Variants in BEND5 observed in about 807,000 individuals in gnomAD.
BEND5 encodes BEN domain containing 5.
In BEND5, 22 loss-of-function variants were observed where a neutral mutation model predicts 43.9. That is an observed-to-expected ratio of 0.50 (90% confidence interval 0.36 to 0.72). The LOEUF (loss-of-function observed/expected upper bound fraction) is 0.72. BEND5 is among the 30% of genes least tolerant of loss of function. BEND5 has a pLI of 0.00. For synonymous variants in BEND5, 228 were observed against 225.9 expected (o/e 1.01, Z -0.08); for missense variants, 428 against 550.6 (o/e 0.78, Z 2.23).
At chr1:48,762,239 A>T (rs1218882744) in intron 1 of BEND5, among the ~76,000 whole-genome samples, 1 of 152,236 alleles carries the variant, frequency 6.6e-6, no homozygotes. Context: ...TACTGAATGT[A>T]AAGTGCTACA....
chr1:48,771,079 A>C (rs963486497), intron 1 of BEND5, among the ~76,000 whole-genome samples: 1 of 152,216 alleles, frequency 6.6e-6, no homozygotes, highest in Admixed American at 6.5e-5. Context: ...TATTTATAAC[A>C]TATTTGGTAG....
intron 3 of BEND5, among the ~76,000 whole-genome samples, chr1:48,744,799 A>G (rs1426516826): frequency 6.6e-6 from 1 of 151,956 alleles, no homozygotes; most frequent in East Asian, 1.9e-4. Context: ...CCTCCTCTCT[A>G]CCGCTAGGGT....
rs1649141968 is a variant in BEND5, at chr1:48,736,875, T to G, written c.895-423A>C. Among the ~76,000 whole-genome samples the G allele has an allele frequency of 6.6e-6, 1 of 152,238 alleles. No homozygotes were observed. Among genetic ancestry groups the G allele is most frequent in the Non-Finnish European group, 1.5e-5 (1 of 68,034 alleles). The stretch of plus-strand genomic sequence containing the variant: ...ACCCATGCTTAACTTCTTTCTGTGT[T>G]ACACTATGGAAAGACCCACCTTCCT... On this transcript the variant is annotated intron_variant, in intron 4 of 5. Transcript: ENST00000371833. The surrounding 1 kb of genome is among the most constrained non-coding windows in gnomAD (Gnocchi z 4.0).
In BEND5 at chr1:48,736,964, C is replaced by T. The variant is rs1474768375; in HGVS notation, c.895-512G>A. On this transcript the variant is annotated intron_variant, in intron 4 of 5. Coordinates refer to ENST00000371833, the MANE Select transcript of BEND5 (RefSeq NM_024603.4). The surrounding 1 kb of genome is among the most constrained non-coding windows in gnomAD (Gnocchi z 4.0). ...GGTGGTTCTCAACCTTGGCTGCACA[C>T]AGGGGTCACCTAGGGAGCTGTAAAA... Among the ~76,000 whole-genome samples the T allele has an allele frequency of 1.3e-5, 2 of 152,106 alleles. No individual in the cohort carries two copies. Among genetic ancestry groups the T allele is most frequent in the Non-Finnish European group, 2.9e-5 (2 of 68,016 alleles).
chr1:48,727,657 T>G lies in BEND5; in HGVS notation c.*229A>C, dbSNP rs1647384920. 2 of 322,602 alleles carry G rather than the reference T, an allele frequency of 6.2e-6. No homozygotes were observed. Among genetic ancestry groups the G allele is most frequent in the Non-Finnish European group, 1.1e-5 (2 of 177,880 alleles). The allele number at this position is 322,602 out of a possible 1,614,324, so 20.0% of individuals were successfully genotyped here. A position where few individuals can be genotyped will look rare whatever the true frequency, so the allele number is the denominator to read the frequency against. ...ACCTTATCCCCCTCCAAGAAGAGTG[T>G]TTTCCCCATTCCCAGAAGGACACCA... is the stretch of plus-strand genomic sequence containing the variant. On this transcript the variant is annotated 3_prime_UTR_variant, in exon 6 of 6. Coordinates refer to ENST00000371833, the MANE Select transcript of BEND5 (RefSeq NM_024603.4).
intron 1 of BEND5, among the ~76,000 whole-genome samples, chr1:48,769,913 C>A (rs907048187): frequency 1.3e-5 from 2 of 152,210 alleles, no homozygotes; most frequent in East Asian, 3.8e-4. Flanking sequence ...AAAGCCTGTC[C>A]TCTTTCAGCT....
At chr1:48,761,261 C>A in intron 2 of BEND5, 76 bp downstream of exon 2, 1 of 1,424,516 alleles carries the variant, frequency 7.0e-7, no homozygotes, top group East Asian at 2.5e-5. Context: ...GAGAGGAAGC[C>A]AGACTGAAAC....
At chr1:48,735,959 G>T (rs903420782) in intron 5 of BEND5, among the ~76,000 whole-genome samples, 1 of 152,058 alleles carries the variant, frequency 6.6e-6, no homozygotes, top group Non-Finnish European at 1.5e-5. Flanking sequence ...CCAGCTAAGG[G>T]TATCCTCCCC....
At chr1:48,741,456 T>A (rs902332892) in intron 4 of BEND5, among the ~76,000 whole-genome samples, 1 of 152,182 alleles carries the variant, frequency 6.6e-6, no homozygotes, top group East Asian at 1.9e-4. Flanking sequence ...AAAGCTGACG[T>A]TTCAAGCCTG....
chr1:48,739,257 G>A (rs6674449), intron 4 of BEND5, among the ~76,000 whole-genome samples: 89,897 of 152,098 alleles, frequency 0.59, 29,807 homozygotes, highest in Non-Finnish European at 0.77. Context: ...CTATAATCAC[G>A]ACAGATTAAG....
intron 3 of BEND5, among the ~76,000 whole-genome samples, chr1:48,746,447 A>G (rs1240492375): frequency 1.3e-5 from 2 of 152,312 alleles, no homozygotes; most frequent in Admixed American, 1.3e-4. Context: ...GGTCCCCTCA[A>G]GGCTCACGAA....
At chr1:48,755,551 C>T (rs1010262716) in intron 3 of BEND5, among the ~76,000 whole-genome samples, 3 of 152,218 alleles carry the variant, frequency 2.0e-5, no homozygotes, top group African/African-American at 7.2e-5. Flanking sequence ...GGCCCTACAT[C>T]AACCCTAACC....
At chr1:48,730,196 C>T (rs1346186667) in intron 5 of BEND5, among the ~76,000 whole-genome samples, 1 of 152,190 alleles carries the variant, frequency 6.6e-6, no homozygotes, top group Non-Finnish European at 1.5e-5. Flanking sequence ...TTCCCCCCAA[C>T]AGACTGGGAC....
intron 3 of BEND5, among the ~76,000 whole-genome samples, chr1:48,750,479 C>T (rs1342133865): frequency 6.6e-6 from 1 of 152,150 alleles, no homozygotes; most frequent in African/African-American, 2.4e-5. Context: ...ACTCTCCTAC[C>T]CCAGCCATGT....
chr1:48,767,256 G>A (rs531028802), intron 1 of BEND5, among the ~76,000 whole-genome samples: 4 of 152,240 alleles, frequency 2.6e-5, no homozygotes, highest in South Asian at 2.1e-4. Context: ...CAGTGAAGTG[G>A]GGATAATAAA....
Position 48,758,957 on chromosome 1 carries a change from C to T in BEND5, c.688G>A (p.Glu230Lys), listed in dbSNP as rs771651589. Residue 230 changes from glutamate (E) to lysine (K), a missense_variant, in exon 3 of 6, where the codon GAG becomes AAG. Physicochemically the swap from Glu to Lys is moderately conservative, Grantham distance 56. Around this residue, in one of 4 missense-constraint regions of BEND5, gnomAD observed 243 missense variants for 286.4 expected, o/e 0.85. Transcript: ENST00000371833. ...EYGALVSEMKELRDLNRRLQD... is the reference protein window; with the variant it reads ...EYGALVSEMKKLRDLNRRLQD... The stretch of plus-strand genomic sequence containing the variant: ...AGCCTCCGGTTAAGGTCACGGAGCT[C>T]CTTCATTTCAGACACAAGTGCCCCG... The T allele has an allele frequency of 2.5e-5, 40 of 1,602,086 alleles. No homozygotes were observed. Among genetic ancestry groups the T allele is most frequent in the Admixed American group, 2.2e-4 (13 of 57,878 alleles).
intron 5 of BEND5, among the ~76,000 whole-genome samples, chr1:48,734,162 A>C (rs1648629403): frequency 6.6e-6 from 1 of 152,174 alleles, no homozygotes; most frequent in African/African-American, 2.4e-5. Flanking sequence ...TGATTATCCA[A>C]AAATAAGCGG....
intron 1 of BEND5, among the ~76,000 whole-genome samples, chr1:48,771,519 C>A (rs1278676980): frequency 1.3e-5 from 2 of 152,136 alleles, no homozygotes; most frequent in Non-Finnish European, 2.9e-5. Flanking sequence ...TTAGACTGAA[C>A]CCTCAATGGT....
intron 1 of BEND5, 25 bp downstream of exon 1, chr1:48,776,581 C>G (rs1451973636): frequency 7.2e-7 from 1 of 1,386,890 alleles, no homozygotes; most frequent in East Asian, 3.1e-5. Context: ...CGGGTCCCAC[C>G]GTCCCTCCCC....
Sources: gnomAD v4.1 joint callset for allele counts (sites outside exome capture counted in the v4.1 genomes callset) on GRCh38, gnomAD v4.1.1 for gene constraint, gnomAD v4.1.1 regional missense constraint, Gnocchi (gnomAD v3.1) non-coding constraint, MANE v1.5 for transcripts, NCBI Gene and HGNC (gene_info 2026-07-23, HGNC 2026-07-21) for gene names.